Variants in MIB1 observed in about 807,000 individuals in gnomAD.
MIB1 encodes MIB E3 ubiquitin protein ligase 1, also known as E3 ubiquitin-protein ligase MIB1.
Under a neutral mutation model 124.5 loss-of-function variants are expected in MIB1, and 278 were observed. The ratio of observed to expected loss-of-function variants is 2.23; its 90% confidence interval spans 2.02 to 2.47. MIB1 has a LOEUF of 2.47. Ranked by LOEUF, MIB1 falls within the 30% of genes most tolerant of loss-of-function variation. The pLI, the probability that MIB1 is intolerant of heterozygous loss-of-function variation, is 0.00. For missense variants in MIB1, 957 were observed against 1,254.4 expected, an observed-to-expected ratio of 0.76 and a Z score of 3.58; for synonymous variants, 446 against 429.4, an observed-to-expected ratio of 1.04 and a Z score of -0.48.
chr18:21,803,873 T>G, intron 9 of MIB1, 34 bp from the exon 10 acceptor site: 21 of 1,454,188 alleles, frequency 1.4e-5, no homozygotes, highest in Non-Finnish European at 1.9e-5. Context: ...TGATTATTCA[T>G]TCATTCTTTC....
chr18:21,709,161 A>C (rs2040654389), intron 1 of MIB1, among the ~76,000 whole-genome samples: 2 of 151,948 alleles, frequency 1.3e-5, no homozygotes, highest in Admixed American at 1.3e-4. Context: ...CTAAAAATAC[A>C]AAAAAAATTA....
intron 6 of MIB1, among the ~76,000 whole-genome samples, chr18:21,784,283 G>A (rs1292266887): frequency 6.7e-6 from 1 of 149,888 alleles, no homozygotes; most frequent in South Asian, 2.1e-4. Context: ...TCCTGACCTC[G>A]TAATCCGCCC....
At chr18:21,830,168 G>A (rs2041965425) in intron 12 of MIB1, among the ~76,000 whole-genome samples, 1 of 103,144 alleles carries the variant, frequency 9.7e-6, no homozygotes, top group Non-Finnish European at 2.7e-5. Flanking sequence ...CAGCAATGCA[G>A]CATTAGAATT....
At chr18:21,745,576 G>A (rs992212268) in intron 1 of MIB1, among the ~76,000 whole-genome samples, 1 of 152,104 alleles carries the variant, frequency 6.6e-6, no homozygotes, top group African/African-American at 2.4e-5. Context: ...ATGGTGAAGG[G>A]AGTGGAGAGC....
chr18:21,822,881 C>T (rs930636336), intron 12 of MIB1, among the ~76,000 whole-genome samples: 2 of 152,046 alleles, frequency 1.3e-5, no homozygotes, highest in African/African-American at 2.4e-5. Flanking sequence ...AGGAGGATTG[C>T]TTGAAGCCAG....
intron 15 of MIB1, among the ~76,000 whole-genome samples, chr18:21,846,496 C>G (rs2042135585): frequency 6.6e-6 from 1 of 152,140 alleles, no homozygotes; most frequent in South Asian, 2.1e-4. Flanking sequence ...TGGCTCAATT[C>G]CTAGTCATTG....
upstream of MIB1, among the ~76,000 whole-genome samples, chr18:21,736,644 AG>A (rs892819156): frequency 2.6e-5 from 4 of 152,228 alleles, no homozygotes; most frequent in African/African-American, 9.6e-5. Flanking sequence ...ATTGCTAACT[AG>A]AAAAACCAAT....
intron 1 of MIB1, among the ~76,000 whole-genome samples, chr18:21,725,717 A>G (rs2040738542): frequency 6.6e-6 from 1 of 152,146 alleles, no homozygotes; most frequent in African/African-American, 2.4e-5. Flanking sequence ...AGTCAAAGAC[A>G]CACTTTGTGT....
At chr18:21,791,651 ACTT>A in intron 7 of MIB1, 94 bp downstream of exon 7, 1 of 1,049,878 alleles carries the variant, frequency 9.5e-7, no homozygotes, top group Non-Finnish European at 1.4e-6. Flanking sequence ...TTGGCATAAA[ACTT>A]CTTAGAATTG....
intron 12 of MIB1, among the ~76,000 whole-genome samples, chr18:21,821,933 C>T (rs2041883007): frequency 6.6e-6 from 1 of 152,148 alleles, no homozygotes; most frequent in South Asian, 2.1e-4. Context: ...TTACTATATA[C>T]TCTGCTTAGT....
rs1483437869 is a variant in MIB1, at chr18:21,857,197, T to C, written c.2733T>C (p.Ile911=). 5 of 1,614,024 alleles carry C rather than the reference T, an allele frequency of 3.1e-6. No homozygotes were observed. Among genetic ancestry groups the C allele is most frequent in the Non-Finnish European group, 4.2e-6 (5 of 1,179,982 alleles). The change falls in exon 19 of 21, where the codon ATT becomes ATC. Residue 911 remains isoleucine, a synonymous_variant. Coordinates refer to ENST00000261537, the MANE Select transcript of MIB1 (RefSeq NM_020774.4). ...TAGTTGAACGAAGAGTGCCTTTCAT[T>C]ATGTGCTGTGGAGGGAAAAGTTCAG... ...RAVVERRVPF[I]MCCGGKSSED... is the part of the protein sequence containing the mutation.
intron 12 of MIB1, chr18:21,827,627 C>T (rs898574348): frequency 1.3e-5 from 2 of 151,976 alleles, no homozygotes; most frequent in African/African-American, 4.8e-5. Flanking sequence ...TGTGGATGAT[C>T]AGAAGGGCTA....
chr18:21,741,524 C>T lies in MIB1; in HGVS notation c.-60C>T, dbSNP rs1013453751. ...GCCCGGGCCCAACTCCCTCACGGGC[C>T]CCCCGGCGGCAGCGGCGGCGGCGGC... is the stretch of plus-strand genomic sequence containing the variant. On this transcript the variant is annotated 5_prime_UTR_variant, in exon 1 of 21. Coordinates refer to ENST00000261537, the MANE Select transcript of MIB1 (RefSeq NM_020774.4). This position sits in a 1 kb window ranked among gnomAD's most constrained non-coding sequence, Gnocchi z 5.4. The T allele has an allele frequency of 1.1e-5, 14 of 1,254,572 alleles. No homozygotes were observed. The South Asian group carries it at 2.8e-4, about 25-fold the overall frequency. 77.7% of individuals were successfully genotyped at this position (1,254,572 alleles called of 1,614,324 possible).
intron 1 of MIB1, among the ~76,000 whole-genome samples, chr18:21,724,964 G>A (rs1199608682): frequency 3.5e-5 from 5 of 144,150 alleles, no homozygotes; most frequent in Admixed American, 2.1e-4. Context: ...GCATGGTTGC[G>A]GGCGCCTGTA....
At chr18:21,748,138 G>C (rs1280259966) in intron 1 of MIB1, among the ~76,000 whole-genome samples, 1 of 152,144 alleles carries the variant, frequency 6.6e-6, no homozygotes, top group Non-Finnish European at 1.5e-5. Context: ...AGGGATGAAT[G>C]CCAGTTGATT....
intron 16 of MIB1, among the ~76,000 whole-genome samples, chr18:21,847,731 G>A (rs775237163): frequency 6.6e-5 from 10 of 152,160 alleles, no homozygotes; most frequent in Admixed American, 1.3e-4. Flanking sequence ...TGCCTGACAG[G>A]TGCACTCAGT....
chr18:21,776,890 T>C (rs187058721), intron 4 of MIB1, among the ~76,000 whole-genome samples: 4 of 151,976 alleles, frequency 2.6e-5, no homozygotes, highest in African/African-American at 9.7e-5. Context: ...GGCAGGAGAA[T>C]TGCTTGAACC....
intron 1 of MIB1, among the ~76,000 whole-genome samples, chr18:21,745,675 A>AACACACACACACACACACACACAC (rs144491531): frequency 3.0e-4 from 43 of 144,750 alleles, no homozygotes; most frequent in African/African-American, 1.1e-3. Context: ...ATAGGTGTTA[A>AACACACACACACACACACACACAC]ACACACACAC....
intron 1 of MIB1, among the ~76,000 whole-genome samples, chr18:21,758,493 T>C (rs1392705475): frequency 6.6e-6 from 1 of 152,200 alleles, no homozygotes; most frequent in Non-Finnish European, 1.5e-5. Flanking sequence ...ACATCAACAG[T>C]TATGCCACAA....
Sources: gnomAD v4.1 joint callset for allele counts (sites outside exome capture counted in the v4.1 genomes callset) on GRCh38, gnomAD v4.1.1 for gene constraint, Gnocchi (gnomAD v3.1) non-coding constraint, MANE v1.5 for transcripts, NCBI Gene and HGNC (gene_info 2026-07-23, HGNC 2026-07-21) for gene names.